NEGR1: variants seen among roughly 807,000 people sequenced by gnomAD.
The protein encoded by NEGR1 is IgLON family member 4.
NEGR1 carries 10 observed loss-of-function variants against 40.9 expected under a neutral mutation model. The observed-to-expected ratio is 0.24, with a 90% CI of 0.15 to 0.42. The LOEUF is 0.42. Among genes scored for constraint, NEGR1 ranks in the 10% least tolerant of loss-of-function variants. The pLI, the probability that NEGR1 is intolerant of heterozygous loss-of-function variation, is 1.00. For synonymous variants in NEGR1, 185 were observed against 166.8 expected (o/e 1.11, Z -0.84); for missense variants, 352 against 438.9 (o/e 0.80, Z 1.77).
chr1:72,130,536 C>CT (rs1485203860), intron 1 of NEGR1, among the ~76,000 whole-genome samples: 1 of 152,032 alleles, frequency 6.6e-6, no homozygotes, highest in African/African-American at 2.4e-5. Flanking sequence ...GCGTTTAGTG[C>CT]TTTTTTGGAA....
At chr1:72,071,856 C>T (rs1647476156) in intron 1 of NEGR1, among the ~76,000 whole-genome samples, 2 of 152,116 alleles carry the variant, frequency 1.3e-5, no homozygotes, top group Non-Finnish European at 1.5e-5. Flanking sequence ...GTCCTTCTCT[C>T]CCCCAGTATT....
chr1:71,500,395 T>A (rs1017412617), intron 6 of NEGR1, among the ~76,000 whole-genome samples: 3 of 152,072 alleles, frequency 2.0e-5, no homozygotes, highest in African/African-American at 7.2e-5. Flanking sequence ...CTCTAGTTTT[T>A]ATTATTTAAT....
chr1:72,011,233 G>A (rs925163134), intron 1 of NEGR1, among the ~76,000 whole-genome samples: 3 of 151,998 alleles, frequency 2.0e-5, no homozygotes, highest in Non-Finnish European at 4.4e-5. Context: ...GAATTCAAAG[G>A]ATATTAGTGG....
chr1:71,711,189 CA>C (rs1444152378), intron 3 of NEGR1, among the ~76,000 whole-genome samples: 1 of 147,972 alleles, frequency 6.8e-6, no homozygotes. Context: ...AAAAAAAATA[CA>C]AAAAATTAGC....
At chr1:71,845,759 A>ACT (rs1557674943) in intron 2 of NEGR1, among the ~76,000 whole-genome samples, 1 of 149,056 alleles carries the variant, frequency 6.7e-6, no homozygotes, top group Non-Finnish European at 1.5e-5. Flanking sequence ...ACCTACCTAC[A>ACT]TATCTATCTA....
intron 6 of NEGR1, among the ~76,000 whole-genome samples, chr1:71,453,038 A>G (rs1427373310): frequency 6.6e-6 from 1 of 152,174 alleles, no homozygotes; most frequent in African/African-American, 2.4e-5. Context: ...TTATGAGGCA[A>G]ATTACTGGAA....
chr1:71,729,029 T>A lies in NEGR1; in HGVS notation c.536-30890A>T, dbSNP rs1457479628. 2.0e-5 allele frequency among the ~76,000 whole-genome samples: 3 copies of A among 152,242 alleles called. No individual in the cohort carries two copies. In the East Asian group the frequency reaches 5.8e-4, roughly 29 times the overall value. ...CTTTTTTTTTACCACGGCTTAAAAC[T>A]TTTTTGTGATCTGGCCAGTTCTGTG... On this transcript the variant is annotated intron_variant, in intron 3 of 6. Coordinates refer to ENST00000357731, the MANE Select transcript of NEGR1 (RefSeq NM_173808.3).
At chr1:71,697,956 G>A (rs1570225484) in intron 4 of NEGR1, 52 bp downstream of exon 4, 1 of 1,541,246 alleles carries the variant, frequency 6.5e-7, no homozygotes. Context: ...AATTTTTCAA[G>A]GTGTTTTATC....
chr1:71,730,787 C>T (rs1044727496), intron 3 of NEGR1, among the ~76,000 whole-genome samples: 4 of 151,132 alleles, frequency 2.6e-5, no homozygotes, highest in African/African-American at 4.9e-5. Flanking sequence ...GCTTTAGTAT[C>T]AAAATTGTTT....
intron 2 of NEGR1, among the ~76,000 whole-genome samples, chr1:71,926,757 A>G (rs1279094178): frequency 2.0e-5 from 3 of 152,104 alleles, no homozygotes; most frequent in African/African-American, 7.2e-5. Context: ...GTGTAGAGTA[A>G]GAAGTGCATT....
chr1:72,090,600 A>G (rs1461226593), intron 1 of NEGR1, among the ~76,000 whole-genome samples: 2 of 152,100 alleles, frequency 1.3e-5, no homozygotes, highest in Non-Finnish European at 2.9e-5. Flanking sequence ...CTCCAGGGTC[A>G]TCTACCTGAT....
chr1:71,695,821 C>G (rs1287239025), intron 4 of NEGR1, among the ~76,000 whole-genome samples: 1 of 151,794 alleles, frequency 6.6e-6, no homozygotes, highest in Admixed American at 6.6e-5. Context: ...GATTTGTTTA[C>G]AATCCAGTTT....
At chr1:71,545,535 G>T (rs72940307) in intron 6 of NEGR1, among the ~76,000 whole-genome samples, 3 of 151,550 alleles carry the variant, frequency 2.0e-5, no homozygotes. Context: ...TATGTCTATT[G>T]TGCTGTCTGA....
chr1:71,685,200 G>T (rs1227583845), intron 4 of NEGR1, among the ~76,000 whole-genome samples: 1 of 151,764 alleles, frequency 6.6e-6, no homozygotes, highest in Non-Finnish European at 1.5e-5. Context: ...TTCCCATTTG[G>T]CTACAAGTAA....
chr1:72,238,789 T>C (rs1247855340), intron 1 of NEGR1, among the ~76,000 whole-genome samples: 3 of 151,902 alleles, frequency 2.0e-5, no homozygotes, highest in Non-Finnish European at 4.4e-5. Flanking sequence ...TTCAGAAAGA[T>C]ACTTGGTTTC....
intron 6 of NEGR1, among the ~76,000 whole-genome samples, chr1:71,438,334 C>A (rs1646523699): frequency 6.6e-6 from 1 of 152,270 alleles, no homozygotes; most frequent in East Asian, 1.9e-4. Flanking sequence ...TTTCTAGAAT[C>A]TTTCCTTATT....
At position 72,127,257 on chromosome 1, in the gene NEGR1, G is replaced by A. The variant is rs559970646; in HGVS notation, c.176+155062C>T. The stretch of plus-strand genomic sequence containing the variant: ...AGGCGGGAAGATCACGACGTCAGGA[G>A]ATTGAGACCATCCTGGCTAACACGG... On this transcript the variant is annotated intron_variant, in intron 1 of 6. Transcript: ENST00000357731. 1.9e-4 allele frequency among the ~76,000 whole-genome samples: 29 copies of A among 152,174 alleles called. No homozygotes were observed. The East Asian group carries it at 5.1e-3, about 27-fold the overall frequency.
intron 2 of NEGR1, among the ~76,000 whole-genome samples, chr1:71,856,785 G>T (rs1206982545): frequency 1.3e-5 from 2 of 151,994 alleles, no homozygotes; most frequent in African/African-American, 4.8e-5. Flanking sequence ...AAACATTCAG[G>T]ATCTAAAGGA....
intron 2 of NEGR1, among the ~76,000 whole-genome samples, chr1:71,894,633 G>T (rs12217078): frequency 0.21 from 31,776 of 151,890 alleles, 3,636 homozygotes; most frequent in East Asian, 0.5. Context: ...ACCAAAGTTA[G>T]CTAACTTATC....
Sources: gnomAD v4.1 joint callset for allele counts (sites outside exome capture counted in the v4.1 genomes callset) on GRCh38, gnomAD v4.1.1 for gene constraint, MANE v1.5 for transcripts, NCBI Gene and HGNC (gene_info 2026-07-23, HGNC 2026-07-21) for gene names.